Variants in SLC35F3 observed in about 807,000 individuals in gnomAD.
SLC35F3 encodes solute carrier family 35 member F3.
In SLC35F3, 25 loss-of-function variants were observed where a neutral mutation model predicts 49.9. That is an observed-to-expected ratio of 0.50 (90% CI 0.37 to 0.70). SLC35F3 has a LOEUF of 0.70. SLC35F3 is among the 30% of genes least tolerant of loss of function. SLC35F3 has a pLI of 0.00. For synonymous variants in SLC35F3, 275 were observed against 265.4 expected (o/e 1.04, Z -0.35); for missense variants, 525 against 639.8 (o/e 0.82, Z 1.94).
At chr1:234,041,006 T>G (rs1664211897) in intron 2 of SLC35F3, among the ~76,000 whole-genome samples, 1 of 152,182 alleles carries the variant, frequency 6.6e-6, no homozygotes. Flanking sequence ...TGAATAACCT[T>G]TCATGGGTAG....
chr1:234,250,653 CAAAAAAAAA>C (rs35486350), intron 3 of SLC35F3, among the ~76,000 whole-genome samples: 7 of 81,508 alleles, frequency 8.6e-5, no homozygotes, highest in Non-Finnish European at 1.2e-4. Context: ...GACTCCGTCT[CAAAAAAAAA>C]AAAAAAAAAA....
At chr1:234,080,554 A>C (rs1262829884) in intron 2 of SLC35F3, among the ~76,000 whole-genome samples, 1 of 152,224 alleles carries the variant, frequency 6.6e-6, no homozygotes, top group Non-Finnish European at 1.5e-5. Context: ...ATTAAAAGGA[A>C]TGAAGTGCTG....
At chr1:234,069,609 G>A (rs1054262677) in intron 2 of SLC35F3, among the ~76,000 whole-genome samples, 8 of 152,140 alleles carry the variant, frequency 5.3e-5, no homozygotes, top group Admixed American at 5.2e-4. Context: ...GCCAAAAGGT[G>A]GAGAACAAGT....
At chr1:233,962,734 A>G (rs189510036) in intron 2 of SLC35F3, among the ~76,000 whole-genome samples, 9 of 152,366 alleles carry the variant, frequency 5.9e-5, no homozygotes, top group African/African-American at 2.2e-4. Context: ...CTAATTGAGC[A>G]TATAGTGTTT....
chr1:234,239,084 T>C (rs1178563731), intron 3 of SLC35F3, among the ~76,000 whole-genome samples: 1 of 152,204 alleles, frequency 6.6e-6, no homozygotes, highest in Non-Finnish European at 1.5e-5. Context: ...TCATGATACC[T>C]GAGGCTGGAA....
chr1:234,020,241 A>AT (rs1204975514), intron 2 of SLC35F3, among the ~76,000 whole-genome samples: 7 of 151,900 alleles, frequency 4.6e-5, no homozygotes, highest in African/African-American at 1.5e-4. Flanking sequence ...AATTTTTAGC[A>AT]TTTTTTGTTT....
intron 2 of SLC35F3, among the ~76,000 whole-genome samples, chr1:233,998,963 A>G (rs180832030): frequency 2.0e-5 from 3 of 152,330 alleles, no homozygotes; most frequent in Middle Eastern, 3.4e-3. Flanking sequence ...TGCTTACTTT[A>G]TAGGATTACT....
intron 2 of SLC35F3, among the ~76,000 whole-genome samples, chr1:234,039,318 T>G (rs1664187351): frequency 6.6e-6 from 1 of 152,154 alleles, no homozygotes; most frequent in Admixed American, 6.5e-5. Flanking sequence ...CAAAGAAGTT[T>G]CCCCTAAGAA....
intron 2 of SLC35F3, among the ~76,000 whole-genome samples, chr1:234,173,547 G>A (rs894815053): frequency 3.9e-5 from 6 of 152,138 alleles, no homozygotes; most frequent in Non-Finnish European, 7.3e-5. Context: ...ATAACCTCTG[G>A]GGTCACAGGT....
Position 233,905,081 on chromosome 1 carries a change from G to A in SLC35F3, c.4G>A (p.Gly2Arg). The A allele has an allele frequency of 6.4e-7, 1 of 1,563,932 alleles. No individual in the cohort carries two copies. The highest frequency in any genetic ancestry group is 8.7e-7 in the Non-Finnish European group (1 of 1,152,910). M[G>R]IREFPSGAPR... ...CGGTCCCACTCTGTCTTTGCCTATG[G>A]GGATTCGAGAGTTTCCCAGCGGCGC... Residue 2 changes from glycine (G) to arginine (R), a missense_variant, in exon 1 of 8, where the codon GGG becomes AGG. Around this residue, in one of 4 missense-constraint regions of SLC35F3, gnomAD observed 228 missense variants for 218.9 expected, o/e 1.04. Coordinates refer to ENST00000366618, the MANE Select transcript of SLC35F3 (RefSeq NM_173508.4).
chr1:233,986,081 C>T (rs576198040), intron 2 of SLC35F3, among the ~76,000 whole-genome samples: 25 of 152,262 alleles, frequency 1.6e-4, no homozygotes, highest in African/African-American at 6.0e-4. Context: ...AACAATAGCA[C>T]TTAGCTCATA....
chr1:234,035,578 C>T (rs550391852), intron 2 of SLC35F3, among the ~76,000 whole-genome samples: 2 of 152,196 alleles, frequency 1.3e-5, no homozygotes, highest in African/African-American at 4.8e-5. Flanking sequence ...CTGTGTATTA[C>T]GTTCATGCTG....
At chr1:234,152,253 A>ATTATTATTCTTCTT (rs1491297627) in intron 2 of SLC35F3, among the ~76,000 whole-genome samples, 1 of 128,178 alleles carries the variant, frequency 7.8e-6, no homozygotes, top group African/African-American at 3.1e-5. Flanking sequence ...TTATTATTAT[A>ATTATTATTCTTCTT]CTTTAAATTC....
intron 3 of SLC35F3, among the ~76,000 whole-genome samples, chr1:234,279,459 G>C (rs1452983063): frequency 6.6e-6 from 1 of 152,146 alleles, no homozygotes; most frequent in African/African-American, 2.4e-5. Context: ...AGACAGAGGG[G>C]AGACGAACAT....
intron 2 of SLC35F3, among the ~76,000 whole-genome samples, chr1:234,002,075 G>T (rs531097825): frequency 7.9e-5 from 12 of 152,300 alleles, no homozygotes; most frequent in African/African-American, 2.9e-4. Flanking sequence ...AGGACTTTCA[G>T]CATGAACAGA....
At chr1:234,038,842 C>T (rs1222647884) in intron 2 of SLC35F3, among the ~76,000 whole-genome samples, 2 of 152,276 alleles carry the variant, frequency 1.3e-5, no homozygotes, top group South Asian at 2.1e-4. Context: ...CTGAAGATAA[C>T]ACCCATAGGA....
intron 3 of SLC35F3, among the ~76,000 whole-genome samples, chr1:234,278,712 T>TA (rs1243823614): frequency 6.6e-6 from 1 of 152,162 alleles, no homozygotes; most frequent in African/African-American, 2.4e-5. Flanking sequence ...GCAGATCCAG[T>TA]GTCTGATGAG....
At chr1:234,081,034 A>G (rs1353094630) in intron 2 of SLC35F3, among the ~76,000 whole-genome samples, 4 of 152,200 alleles carry the variant, frequency 2.6e-5, no homozygotes, top group African/African-American at 9.7e-5. Flanking sequence ...AGGCCAACTT[A>G]GCGACCTCTT....
At chr1:234,280,947 C>T (rs188069440) in intron 3 of SLC35F3, among the ~76,000 whole-genome samples, 1 of 152,284 alleles carries the variant, frequency 6.6e-6, no homozygotes, top group Non-Finnish European at 1.5e-5. Flanking sequence ...GCTGGGGCTC[C>T]CATATGAAGG....
Sources: gnomAD v4.1 joint callset for allele counts (sites outside exome capture counted in the v4.1 genomes callset) on GRCh38, gnomAD v4.1.1 for gene constraint, gnomAD v4.1.1 regional missense constraint, MANE v1.5 for transcripts, NCBI Gene and HGNC (gene_info 2026-07-23, HGNC 2026-07-21) for gene names.